Variants in DYNC2LI1 observed in about 807,000 individuals in gnomAD.
DYNC2LI1 encodes dynein cytoplasmic 2 light intermediate chain 1, also known as cytoplasmic dynein 2 light intermediate chain 1.
In DYNC2LI1, 45 loss-of-function variants were observed where a neutral mutation model predicts 51.9. That is an observed-to-expected ratio of 0.87 (90% CI 0.68 to 1.11). DYNC2LI1 has a LOEUF of 1.11. DYNC2LI1 is among the 50% of genes most tolerant of loss of function. The pLI, the probability that DYNC2LI1 is intolerant of heterozygous loss-of-function variation, is 0.00. For missense variants in DYNC2LI1, 490 were observed against 417.4 expected (o/e 1.17, Z -1.51); for synonymous variants, 130 against 137.8 (o/e 0.94, Z 0.40).
intron 4 of DYNC2LI1, 31 bp from the exon 5 acceptor site, chr2:43,789,602 C>G (rs755498989): frequency 6.3e-7 from 1 of 1,594,488 alleles, no homozygotes. Context: ...AGTACTTAAA[C>G]TTCAAAAAAT....
chr2:43,806,614 C>T (rs1013056225), intron 12 of DYNC2LI1, among the ~76,000 whole-genome samples: 6 of 152,086 alleles, frequency 3.9e-5, no homozygotes, highest in African/African-American at 1.4e-4. Flanking sequence ...TAATATTTAT[C>T]TAGGAGTCAA....
chr2:43,793,734 C>G (rs1038888739), intron 5 of DYNC2LI1: 1 of 152,168 alleles, frequency 6.6e-6, no homozygotes, highest in Non-Finnish European at 1.5e-5. Flanking sequence ...AGCCACCATC[C>G]CTGGCCTCTT....
the DYNC2LI1 span, among the ~76,000 whole-genome samples, chr2:43,816,639 GTTCAGGTGATT>G: frequency 6.6e-6 from 1 of 152,130 alleles, no homozygotes; most frequent in African/African-American, 2.4e-5. Context: ...CGCCTCCCAG[GTTCAGGTGATT>G]CTCCTGCCTC....
the DYNC2LI1 span, chr2:43,824,737 C>G: frequency 6.9e-7 from 1 of 1,447,848 alleles, no homozygotes; most frequent in African/African-American, 1.4e-5. Flanking sequence ...CTGGCAAGTT[C>G]ATTGACCCGG....
chr2:43,822,478 G>GCCC, the DYNC2LI1 span: 137 of 464,460 alleles, frequency 2.9e-4, 2 homozygotes, highest in Admixed American at 5.5e-4. Flanking sequence ...CCTCCCCCAG[G>GCCC]CCCCCCCCCA....
chr2:43,788,897 G>A (rs887636904), intron 4 of DYNC2LI1, among the ~76,000 whole-genome samples: 2 of 152,232 alleles, frequency 1.3e-5, no homozygotes, highest in African/African-American at 4.8e-5. Context: ...GCCTCCCAAA[G>A]TGCTGGGGTT....
chr2:43,787,064 A>G (rs1673557694), intron 3 of DYNC2LI1, 117 bp from the exon 4 acceptor site: 4 of 708,274 alleles, frequency 5.6e-6, no homozygotes, highest in Non-Finnish European at 7.2e-6. Context: ...CTATTATACA[A>G]GGTAACTTCT....
intron 3 of DYNC2LI1, among the ~76,000 whole-genome samples, chr2:43,786,013 ACTG>A (rs1673507329): frequency 6.6e-6 from 1 of 152,170 alleles, no homozygotes; most frequent in African/African-American, 2.4e-5. Context: ...ACACCATAAA[ACTG>A]CTTACCAGCA....
At chr2:43,787,517 G>T (rs970156184) in intron 4 of DYNC2LI1, among the ~76,000 whole-genome samples, 1 of 152,134 alleles carries the variant, frequency 6.6e-6, no homozygotes, top group East Asian at 1.9e-4. Flanking sequence ...TGAGAATAGT[G>T]TTGTGAGTTA....
intron 2 of DYNC2LI1, among the ~76,000 whole-genome samples, chr2:43,779,602 A>G (rs1166001142): frequency 6.6e-6 from 1 of 152,234 alleles, no homozygotes; most frequent in African/African-American, 2.4e-5. Flanking sequence ...CAGAGAGGGC[A>G]CTTAACTCAC....
chr2:43,800,929 A>G lies in DYNC2LI1; in HGVS notation c.731+12A>G, dbSNP rs775913245. On this transcript the variant is annotated intron_variant, in intron 9 of 12. Transcript: ENST00000260605. ...GGCATTGACAAAAGGTACTGCTAAGATATTTTTTATATCATTTATTGAGTG... is the reference window on the plus strand; with the variant it reads ...GGCATTGACAAAAGGTACTGCTAAGGTATTTTTTATATCATTTATTGAGTG... The G allele has an allele frequency of 2.0e-6, 3 of 1,532,048 alleles. No homozygotes were observed. The highest frequency in any genetic ancestry group is 1.2e-5 in the South Asian group (1 of 86,364). The allele number at this position is 1,532,048 out of a possible 1,614,324, so 94.9% of individuals were successfully genotyped here. A position where few individuals can be genotyped will look rare whatever the true frequency, so the allele number is the denominator to read the frequency against.
At chr2:43,818,507 CAT>C in the DYNC2LI1 span, among the ~76,000 whole-genome samples, 9 of 152,114 alleles carry the variant, frequency 5.9e-5, no homozygotes, top group African/African-American at 2.2e-4. Context: ...CTCAAAAAAT[CAT>C]AAGTCGGGGA....
At chr2:43,817,953 C>T in the DYNC2LI1 span, among the ~76,000 whole-genome samples, 1 of 151,964 alleles carries the variant, frequency 6.6e-6, no homozygotes, top group Non-Finnish European at 1.5e-5. Flanking sequence ...GACACCTAGC[C>T]CACCAAACAT....
chr2:43,793,615 T>TA lies in DYNC2LI1; in HGVS notation c.321-840dup, dbSNP rs1414569014. On this transcript the variant is annotated intron_variant, in intron 5 of 12. Transcript: ENST00000260605. Reference sequence around the variant, plus strand: ...CTTTTGCCTTCTTTTTTTTTTTTTTTAATATAGTTGAGTTGGGGTCTCACT... The same window carrying TA: ...CTTTTGCCTTCTTTTTTTTTTTTTTTAAATATAGTTGAGTTGGGGTCTCACT... 4 of 151,228 alleles carry TA rather than the reference T, an allele frequency of 2.6e-5. No individual in the cohort carries two copies. The South Asian group carries it at 8.4e-4, about 32-fold the overall frequency. The allele number at this position is 151,228 out of a possible 1,614,324, so 9.4% of individuals were successfully genotyped here.
At chr2:43,814,801 G>T (rs936357468), downstream of DYNC2LI1, among the ~76,000 whole-genome samples, 2 of 152,098 alleles carry the variant, frequency 1.3e-5, no homozygotes, top group Admixed American at 6.6e-5. Flanking sequence ...TAACATTTTG[G>T]TAATATATAT....
In DYNC2LI1 at chr2:43,794,584, G is replaced by C; in HGVS notation, c.448G>C (p.Ala150Pro). The part of the protein sequence containing the change: ...KVIMKLGKTN[A>P]KAVSEMRQKI... ...GATAATGAAACTGGGAAAGACAAAT[G>C]CTAAAGCAGTTTCTGAAATGAGACA... is the stretch of plus-strand genomic sequence containing the variant. The change falls in exon 6 of 13, where the codon GCT (alanine) becomes CCT (proline). Residue 150 changes from alanine (A) to proline (P), a missense_variant. Ala to Pro is a conservative substitution (Grantham distance 27). Coordinates refer to ENST00000260605, the MANE Select transcript of DYNC2LI1 (RefSeq NM_016008.4). 6.2e-7 allele frequency: 1 copy of C among 1,614,046 alleles called. No homozygotes were observed. Among genetic ancestry groups the C allele is most frequent in the Non-Finnish European group, 8.5e-7 (1 of 1,179,988 alleles).
At chr2:43,802,986 C>T (rs187264747) in intron 10 of DYNC2LI1, among the ~76,000 whole-genome samples, 2 of 152,158 alleles carry the variant, frequency 1.3e-5, no homozygotes, top group Non-Finnish European at 2.9e-5. Context: ...ATACATTTAA[C>T]AGGATAGCTA....
chr2:43,809,917 C>T lies in DYNC2LI1; in HGVS notation c.*150C>T, dbSNP rs1572729405. 7.2e-7 allele frequency: 1 copy of T among 1,383,796 alleles called. No individual in the cohort carries two copies. Among genetic ancestry groups the T allele is most frequent in the African/African-American group, 1.5e-5 (1 of 67,536 alleles). 85.7% of individuals were successfully genotyped at this position (1,383,796 alleles called of 1,614,324 possible). A position where few individuals can be genotyped will look rare whatever the true frequency, so the allele number is the denominator to read the frequency against. The stretch of plus-strand genomic sequence containing the variant: ...GGATTTCTTGGACTAGTGCATCTCC[C>T]TGTATATCTTGAAGCTTTTTAAAAG... On this transcript the variant is annotated 3_prime_UTR_variant, in exon 13 of 13. Coordinates refer to ENST00000260605, the MANE Select transcript of DYNC2LI1 (RefSeq NM_016008.4).
Position 43,809,699 on chromosome 2 carries a change from T to C in DYNC2LI1, c.994-6T>C. The C allele has an allele frequency of 6.2e-7, 1 of 1,604,500 alleles. No individual in the cohort carries two copies. The highest frequency in any genetic ancestry group is 1.1e-5 in the South Asian group (1 of 88,858). On this transcript the variant is annotated splice_polypyrimidine_tract_variant and splice_region_variant and intron_variant, in intron 12 of 12. Coordinates refer to ENST00000260605, the MANE Select transcript of DYNC2LI1 (RefSeq NM_016008.4). The stretch of plus-strand genomic sequence containing the variant: ...TTTCTTAAAGTGATACATATTTTTG[T>C]TTTAGGAACTGGAACAGTACAAAAG...
Sources: gnomAD v4.1 joint callset for allele counts (sites outside exome capture counted in the v4.1 genomes callset) on GRCh38, gnomAD v4.1.1 for gene constraint, MANE v1.5 for transcripts, NCBI Gene and HGNC (gene_info 2026-07-23, HGNC 2026-07-21) for gene names.